The following CLSTN2 variants were observed in gnomAD, a reference collection of about 807,000 sequenced individuals.
CLSTN2 encodes calsyntenin 2, also known as calsyntenin-2.
In CLSTN2, 48 loss-of-function variants were observed where a neutral mutation model predicts 101.2. The observed-to-expected ratio is 0.47, with a 90% CI of 0.38 to 0.60. The LOEUF is 0.60. Ranked by LOEUF, CLSTN2 falls within the 20% of genes least tolerant of loss-of-function variation. The pLI is 0.00. For synonymous variants in CLSTN2, 481 were observed against 463.6 expected (o/e 1.04, Z -0.48); for missense variants, 1,160 against 1,238.2 (o/e 0.94, Z 0.95).
intron 1 of CLSTN2, among the ~76,000 whole-genome samples, chr3:140,020,997 TCCA>T (rs1171019206): frequency 1.3e-5 from 2 of 152,062 alleles, no homozygotes; most frequent in Admixed American, 6.6e-5. Context: ...TGCTCCCTTC[TCCA>T]CCCAGCACTC....
At chr3:140,077,781 T>C (rs1057025750) in intron 1 of CLSTN2, among the ~76,000 whole-genome samples, 8 of 152,202 alleles carry the variant, frequency 5.3e-5, no homozygotes, top group Admixed American at 2.0e-4. Context: ...TCCTCTGTTG[T>C]CCTTTCATCC....
At chr3:139,952,236 G>A (rs1436752745) in intron 1 of CLSTN2, among the ~76,000 whole-genome samples, 1 of 152,170 alleles carries the variant, frequency 6.6e-6, no homozygotes, top group East Asian at 1.9e-4. Context: ...AGACCTGGTT[G>A]ACATTCTGAT....
At chr3:139,976,436 A>G (rs983470258) in intron 1 of CLSTN2, among the ~76,000 whole-genome samples, 9 of 152,264 alleles carry the variant, frequency 5.9e-5, no homozygotes, top group African/African-American at 2.2e-4. Context: ...CAGAGAATTC[A>G]TCAAACAAAG....
chr3:140,368,916 G>T (rs1359119036), intron 2 of CLSTN2, among the ~76,000 whole-genome samples: 2 of 152,082 alleles, frequency 1.3e-5, no homozygotes, highest in Admixed American at 1.3e-4. Flanking sequence ...CGGTGTTCTG[G>T]GTAACCTTTA....
intron 1 of CLSTN2, among the ~76,000 whole-genome samples, chr3:140,054,552 C>T (rs1234095070): frequency 6.6e-6 from 1 of 152,194 alleles, no homozygotes; most frequent in Non-Finnish European, 1.5e-5. Context: ...CTTATAGCCA[C>T]CCACATACCC....
intron 2 of CLSTN2, among the ~76,000 whole-genome samples, chr3:140,347,407 C>A (rs1251512098): frequency 1.3e-5 from 2 of 152,212 alleles, no homozygotes; most frequent in Non-Finnish European, 2.9e-5. Context: ...CAGAGCCCAC[C>A]ATACTGGTGA....
intron 2 of CLSTN2, among the ~76,000 whole-genome samples, chr3:140,374,378 AC>A (rs749751226): frequency 1.8e-4 from 27 of 152,014 alleles, no homozygotes; most frequent in Middle Eastern, 3.4e-3. Context: ...ATCCTTTATA[AC>A]CCAACTCAAG....
intron 1 of CLSTN2, among the ~76,000 whole-genome samples, chr3:140,030,231 T>G (rs2007517931): frequency 6.6e-6 from 1 of 152,156 alleles, no homozygotes; most frequent in Admixed American, 6.5e-5. Flanking sequence ...GACAACATCC[T>G]TTGCAATCCT....
At chr3:140,032,657 G>C (rs2007578047) in intron 1 of CLSTN2, among the ~76,000 whole-genome samples, 1 of 152,282 alleles carries the variant, frequency 6.6e-6, no homozygotes, top group Middle Eastern at 3.4e-3. Flanking sequence ...TTTTCTGGGT[G>C]GTCCAAAGCT....
At chr3:140,081,739 A>C (rs2008602793) in intron 1 of CLSTN2, among the ~76,000 whole-genome samples, 1 of 152,140 alleles carries the variant, frequency 6.6e-6, no homozygotes, top group African/African-American at 2.4e-5. Context: ...GTCCAGAGCA[A>C]GGGTTAGAGC....
At chr3:140,523,217 C>G (rs912185764) in intron 8 of CLSTN2, among the ~76,000 whole-genome samples, 2 of 152,154 alleles carry the variant, frequency 1.3e-5, no homozygotes, top group Non-Finnish European at 2.9e-5. Context: ...ATCCCTCGGG[C>G]AGTGGCAGTG....
intron 4 of CLSTN2, among the ~76,000 whole-genome samples, chr3:140,407,128 C>CAG (rs1416407843): frequency 2.6e-5 from 4 of 152,170 alleles, no homozygotes; most frequent in Admixed American, 6.5e-5. Context: ...GACCTAGGGG[C>CAG]AGACACAGAG....
chr3:140,470,217 C>T (rs2108023531), intron 8 of CLSTN2, among the ~76,000 whole-genome samples: 1 of 152,320 alleles, frequency 6.6e-6, no homozygotes, highest in East Asian at 1.9e-4. Context: ...GTGTGGGGTA[C>T]CTGGGATTAG....
At chr3:140,273,560 G>A (rs989174013) in intron 2 of CLSTN2, among the ~76,000 whole-genome samples, 1 of 152,162 alleles carries the variant, frequency 6.6e-6, no homozygotes, top group African/African-American at 2.4e-5. Context: ...ATCAGGTGCA[G>A]AGGAACATCT....
intron 2 of CLSTN2, among the ~76,000 whole-genome samples, chr3:140,247,044 C>A (rs2086524401): frequency 6.6e-6 from 1 of 152,138 alleles, no homozygotes. Context: ...CACATCCACC[C>A]TGATGGGTTT....
chr3:140,478,859 A>AGGG (rs1380300757), intron 8 of CLSTN2, among the ~76,000 whole-genome samples: 1 of 132,110 alleles, frequency 7.6e-6, no homozygotes, highest in African/African-American at 2.8e-5. Context: ...AAAGGAAGGA[A>AGGG]GGAAGGGGGA....
intron 2 of CLSTN2, 112 bp from the exon 3 acceptor site, chr3:140,403,517 G>A (rs559773847): frequency 4.7e-5 from 42 of 888,526 alleles, no homozygotes; most frequent in South Asian, 2.2e-4. Flanking sequence ...CACTATGTGC[G>A]TGGAAGAAAT....
intron 2 of CLSTN2, among the ~76,000 whole-genome samples, chr3:140,277,048 T>C (rs763078252): frequency 3.9e-5 from 6 of 152,158 alleles, no homozygotes; most frequent in Non-Finnish European, 8.8e-5. Context: ...AGGGGGCTCA[T>C]GCCTAAGCTC....
At chr3:140,341,566 G>A (rs1434678102) in intron 2 of CLSTN2, among the ~76,000 whole-genome samples, 3 of 152,176 alleles carry the variant, frequency 2.0e-5, no homozygotes, top group African/African-American at 7.2e-5. Flanking sequence ...GAAGAAGAAG[G>A]TTTCTATCCA....
Sources: allele counts gnomAD v4.1 joint callset (sites outside exome capture counted in the v4.1 genomes callset), GRCh38; gene constraint gnomAD v4.1.1; transcripts MANE v1.5; gene names NCBI Gene and HGNC (gene_info 2026-07-23, HGNC 2026-07-21).